NR1D2: variants seen among roughly 807,000 people sequenced by gnomAD.
The protein encoded by NR1D2 is V-erbA-related protein 1-related.
In NR1D2, 25 loss-of-function variants were observed where a neutral mutation model predicts 52.2. The ratio of observed to expected loss-of-function variants is 0.48; its 90% CI spans 0.35 to 0.67. The LOEUF is 0.67. NR1D2 is among the 30% of genes least tolerant of loss of function. The probability of loss-of-function intolerance (pLI) is 0.01; values close to 1 mark genes in which losing one functional copy is unlikely to be tolerated. For missense variants in NR1D2, 681 were observed against 707.2 expected, an observed-to-expected ratio of 0.96 and a Z score of 0.42; for synonymous variants, 259 against 230.1, an observed-to-expected ratio of 1.13 and a Z score of -1.14.
intron 3 of NR1D2, among the ~76,000 whole-genome samples, chr3:23,958,923 C>T (rs908677365): frequency 3.3e-5 from 5 of 151,520 alleles, no homozygotes; most frequent in African/African-American, 9.7e-5. Flanking sequence ...CACTCCAGCC[C>T]GGGCTACAGA....
chr3:23,965,201 C>A, intron 6 of NR1D2, 39 bp downstream of exon 6: 2 of 1,138,174 alleles, frequency 1.8e-6, no homozygotes, highest in Non-Finnish European at 2.5e-6. Context: ...GCAGGCAGGG[C>A]ATGTAGTATT....
At chr3:23,972,608 C>T (rs1706619619) in intron 7 of NR1D2, among the ~76,000 whole-genome samples, 1 of 152,146 alleles carries the variant, frequency 6.6e-6, no homozygotes, top group Non-Finnish European at 1.5e-5. Flanking sequence ...GTTTGACTTT[C>T]ATCCTGTAGG....
chr3:23,961,383 T>C (rs1219539309), intron 4 of NR1D2, among the ~76,000 whole-genome samples: 1 of 145,658 alleles, frequency 6.9e-6, no homozygotes, highest in East Asian at 1.9e-4. Context: ...TTTTTTCTTT[T>C]TCTTTCTTTT....
At chr3:23,946,425 G>C in intron 1 of NR1D2, 2 of 413,984 alleles carry the variant, frequency 4.8e-6, no homozygotes, top group South Asian at 9.8e-5. Context: ...ACGCTCGAAG[G>C]AGCTCTGAGG....
At chr3:23,965,880 C>T (rs1341051186) in intron 6 of NR1D2, among the ~76,000 whole-genome samples, 5 of 152,162 alleles carry the variant, frequency 3.3e-5, no homozygotes, top group South Asian at 2.1e-4. Context: ...TTTCGTTTTT[C>T]GAGAGACTGT....
At position 23,954,604 on chromosome 3, in the gene NR1D2, T is replaced by A. The variant is rs1351272281; in HGVS notation, c.84T>A (p.Gly28=). The change falls in exon 2 of 8, where the codon GGT becomes GGA. Residue 28 remains glycine, a synonymous_variant. Transcript: ENST00000312521. ...ASSPASCHSE[G]SENSFQSSSS... ...GCCCTGCCTCTTGTCACAGTGAGGG[T>A]TCTGAGAATAGTTTCCAGTCCTCCT... 1.2e-6 allele frequency: 2 copies of A among 1,614,014 alleles called. No individual in the cohort carries two copies. The highest frequency in any genetic ancestry group is 2.2e-5 in the South Asian group (2 of 91,074).
chr3:23,963,282 G>A, intron 5 of NR1D2: 1 of 1,351,664 alleles, frequency 7.4e-7, no homozygotes, highest in Non-Finnish European at 9.8e-7. Context: ...ACCATTTCCA[G>A]TTTAAACCAT....
intron 1 of NR1D2, chr3:23,946,398 G>T (rs1705711096): frequency 2.9e-6 from 2 of 692,702 alleles, no homozygotes; most frequent in Middle Eastern, 7.3e-4. Context: ...GAAGGCGTGG[G>T]GCTTTCCCGA....
intron 7 of NR1D2, among the ~76,000 whole-genome samples, chr3:23,975,820 T>C (rs975221516): frequency 1.3e-5 from 2 of 152,252 alleles, no homozygotes; most frequent in Non-Finnish European, 2.9e-5. Context: ...AAATTTTTCT[T>C]TTTTTGCCCT....
intron 7 of NR1D2, among the ~76,000 whole-genome samples, chr3:23,976,623 C>A (rs1182172819): frequency 6.6e-6 from 1 of 152,248 alleles, no homozygotes; most frequent in Non-Finnish European, 1.5e-5. Flanking sequence ...CAGCTTTTCT[C>A]AGAGTAAGTG....
rs147325599 is a variant in NR1D2 at position 23,954,815 on chromosome 3, TG to T, written c.283+14del. The T allele has an allele frequency of 3.2e-5, 51 of 1,608,268 alleles. No individual in the cohort carries two copies. The African/African-American group carries it at 5.3e-4, about 17-fold the overall frequency. ...TAGTGGTGTGACAAGTAAGTTACTT[TG>T]GTTTTCTAAAGATTGCTGCCATTAA... On this transcript the variant is annotated intron_variant, in intron 2 of 7. Transcript: ENST00000312521.
rs774345944 is a variant in NR1D2, at chr3:23,954,757, C to G, written c.237C>G (p.Ser79Arg). The change falls in exon 2 of 8, where the codon AGC becomes AGG. Residue 79 changes from serine (S) to arginine (R), a missense_variant. Coordinates refer to ENST00000312521, the MANE Select transcript of NR1D2 (RefSeq NM_005126.5). Reference sequence around the variant, plus strand: ...GAATAGATTGTTCTATGAAAACAAGCAAATCGAGTGCACCTGGGATGACAA... The same window carrying G: ...GAATAGATTGTTCTATGAAAACAAGGAAATCGAGTGCACCTGGGATGACAA... The part of the protein sequence containing the change: ...NDRIDCSMKT[S>R]KSSAPGMTKS... The G allele has an allele frequency of 6.2e-7, 1 of 1,614,146 alleles. No homozygotes were observed. Among genetic ancestry groups the G allele is most frequent in the Non-Finnish European group, 8.5e-7 (1 of 1,180,008 alleles).
chr3:23,954,393 C>G (rs993888048), intron 1 of NR1D2, 144 bp from the exon 2 acceptor site: 3 of 704,710 alleles, frequency 4.3e-6, no homozygotes, highest in South Asian at 1.9e-5. Flanking sequence ...TAAGGAAATA[C>G]TTTATTTTTT....
intron 7 of NR1D2, among the ~76,000 whole-genome samples, chr3:23,969,744 A>T (rs1483493304): frequency 6.6e-6 from 1 of 152,232 alleles, no homozygotes. Flanking sequence ...AAAGAGCTTT[A>T]TGCTACTAAA....
intron 2 of NR1D2, among the ~76,000 whole-genome samples, chr3:23,955,823 T>TAAAAC (rs967912718): frequency 4.6e-5 from 7 of 151,372 alleles, no homozygotes; most frequent in Non-Finnish European, 8.8e-5. Flanking sequence ...ACTCTATCTT[T>TAAAAC]AAAACAAAAC....
At chr3:23,959,612 T>TTA (rs1157232018) in intron 3 of NR1D2, 59 bp from the exon 4 acceptor site, 2 of 1,542,102 alleles carry the variant, frequency 1.3e-6, no homozygotes, top group Admixed American at 3.6e-5. Context: ...GGAGCAGTGT[T>TTA]TATAAGAAGT....
chr3:23,971,265 C>G (rs1298051043), intron 7 of NR1D2, among the ~76,000 whole-genome samples: 1 of 151,422 alleles, frequency 6.6e-6, no homozygotes, highest in Admixed American at 6.6e-5. Flanking sequence ...GGTTGTTGAC[C>G]ACCCAACTCT....
intron 7 of NR1D2, among the ~76,000 whole-genome samples, chr3:23,974,373 A>G (rs1304904827): frequency 2.6e-5 from 4 of 152,178 alleles, no homozygotes; most frequent in African/African-American, 7.2e-5. Flanking sequence ...ATGTTACGAC[A>G]ACAAAAGCTG....
intron 5 of NR1D2, among the ~76,000 whole-genome samples, chr3:23,964,223 G>A (rs1020738978): frequency 6.6e-6 from 1 of 151,920 alleles, no homozygotes; most frequent in African/African-American, 2.4e-5. Flanking sequence ...GACTACAGGC[G>A]CAAGCCACCA....
Sources: allele counts gnomAD v4.1 joint callset (sites outside exome capture counted in the v4.1 genomes callset), GRCh38; gene constraint gnomAD v4.1.1; transcripts MANE v1.5; gene names NCBI Gene and HGNC (gene_info 2026-07-23, HGNC 2026-07-21).